Variants in RHOBTB1 observed in about 807,000 individuals in gnomAD.
RHOBTB1 encodes Rho related BTB domain containing 1.
In RHOBTB1, 40 loss-of-function variants were observed where a neutral mutation model predicts 71.6. That is an observed-to-expected ratio of 0.56 (90% CI 0.43 to 0.73). The LOEUF (loss-of-function observed/expected upper bound fraction) is 0.73. Ranked by LOEUF, RHOBTB1 falls within the 30% of genes least tolerant of loss-of-function variation. RHOBTB1 has a pLI of 0.00. For missense variants in RHOBTB1, 797 were observed against 894.0 expected, an observed-to-expected ratio of 0.89 and a Z score of 1.38; for synonymous variants, 319 against 334.9, an observed-to-expected ratio of 0.95 and a Z score of 0.52.
At chr10:60,964,298 G>GT (rs2085883930) in intron 2 of RHOBTB1, among the ~76,000 whole-genome samples, 1 of 152,060 alleles carries the variant, frequency 6.6e-6, no homozygotes, top group African/African-American at 2.4e-5. Flanking sequence ...GCGCCAGAGA[G>GT]GATACAACTG....
intron 2 of RHOBTB1, among the ~76,000 whole-genome samples, chr10:60,985,517 A>G (rs2086633423): frequency 6.6e-6 from 1 of 152,180 alleles, no homozygotes; most frequent in Non-Finnish European, 1.5e-5. Context: ...CCACATGTCA[A>G]TTTCCTGTAC....
chr10:60,959,677 T>C (rs902922838), intron 2 of RHOBTB1, among the ~76,000 whole-genome samples: 8 of 152,210 alleles, frequency 5.3e-5, no homozygotes, highest in African/African-American at 1.7e-4. Context: ...GTTTTGTCTC[T>C]GCCACTTTCC....
intron 7 of RHOBTB1, among the ~76,000 whole-genome samples, chr10:60,879,215 G>A (rs566225836): frequency 2.6e-5 from 4 of 152,278 alleles, no homozygotes; most frequent in South Asian, 2.1e-4. Context: ...ATTTCTCTGC[G>A]GTGCTGGAAA....
chr10:60,872,304 A>G lies in RHOBTB1; in HGVS notation c.1816-14T>C, dbSNP rs368088716. 2.5e-6 allele frequency: 4 copies of G among 1,591,340 alleles called. No individual in the cohort carries two copies. Among genetic ancestry groups the G allele is most frequent in the Non-Finnish European group, 3.5e-6 (4 of 1,159,230 alleles). ...GGCATTGTGAAACTGCAGAAAAGTG[A>G]GCAAAAGGAGGGTAAGACTATTTTC... is the stretch of plus-strand genomic sequence containing the variant. On this transcript the variant is annotated splice_polypyrimidine_tract_variant and intron_variant, in intron 9 of 10. Coordinates refer to ENST00000337910, the MANE Select transcript of RHOBTB1 (RefSeq NM_014836.5).
intron 2 of RHOBTB1, 50 bp from the exon 3 acceptor site, chr10:60,911,602 G>A: frequency 1.4e-6 from 2 of 1,475,376 alleles, no homozygotes; most frequent in East Asian, 2.3e-5. Context: ...GCTTTCCAGA[G>A]CAATCAAAGA....
chr10:60,929,900 AAGAC>A (rs1212931642), intron 2 of RHOBTB1, among the ~76,000 whole-genome samples: 3 of 152,204 alleles, frequency 2.0e-5, no homozygotes, highest in Non-Finnish European at 4.4e-5. Flanking sequence ...AACCTACAAA[AAGAC>A]AGCTTTCTTT....
In RHOBTB1 at chr10:60,911,922, G is replaced by A. The variant is rs2133410104; in HGVS notation, c.-10-370C>T. On this transcript the variant is annotated intron_variant, in intron 2 of 10. Coordinates refer to ENST00000337910, the MANE Select transcript of RHOBTB1 (RefSeq NM_014836.5). ...TCACGTTGGCCTGCTAGCAAGTCCG[G>A]TCACCTGTAGGGCTGAACTTCAACA... is the stretch of plus-strand genomic sequence containing the variant. Among the ~76,000 whole-genome samples, 3 of 152,252 alleles carry A rather than the reference G, an allele frequency of 2.0e-5. No individual in the cohort carries two copies. The South Asian group carries it at 6.2e-4, about 32-fold the overall frequency.
intron 2 of RHOBTB1, among the ~76,000 whole-genome samples, chr10:60,965,146 AACTT>A (rs1271971918): frequency 6.6e-6 from 1 of 152,072 alleles, no homozygotes; most frequent in Non-Finnish European, 1.5e-5. Flanking sequence ...TATACAAAGA[AACTT>A]ACCATTCAGT....
At chr10:60,891,768 T>G (rs2081931366) in intron 5 of RHOBTB1, among the ~76,000 whole-genome samples, 1 of 152,146 alleles carries the variant, frequency 6.6e-6, no homozygotes, top group East Asian at 1.9e-4. Context: ...AACTGACATT[T>G]TAAAAGAAAC....
At chr10:60,958,455 T>C (rs1232188183) in intron 2 of RHOBTB1, among the ~76,000 whole-genome samples, 1 of 152,146 alleles carries the variant, frequency 6.6e-6, no homozygotes, top group Non-Finnish European at 1.5e-5. Context: ...TAGGAATAAA[T>C]GGATCTATAG....
chr10:60,964,756 C>T (rs1021938826), intron 2 of RHOBTB1, among the ~76,000 whole-genome samples: 3 of 151,896 alleles, frequency 2.0e-5, no homozygotes, highest in African/African-American at 4.8e-5. Context: ...GAAAAATATG[C>T]GAAAATTTCC....
At chr10:60,881,418 A>T (rs2081323958) in intron 7 of RHOBTB1, among the ~76,000 whole-genome samples, 1 of 152,198 alleles carries the variant, frequency 6.6e-6, no homozygotes, top group African/African-American at 2.4e-5. Flanking sequence ...GTGCTCTAAG[A>T]TGTTAGTAAT....
intron 9 of RHOBTB1, among the ~76,000 whole-genome samples, chr10:60,873,276 T>C (rs1464268414): frequency 1.3e-5 from 2 of 152,234 alleles, no homozygotes; most frequent in Admixed American, 6.5e-5. Flanking sequence ...GTGCATTTCT[T>C]CCCTACTTTG....
intron 2 of RHOBTB1, among the ~76,000 whole-genome samples, 175 bp downstream of exon 2, chr10:60,941,629 A>C (rs1458295177): frequency 1.3e-5 from 2 of 152,198 alleles, no homozygotes. Flanking sequence ...TCCCAGAGTA[A>C]GCAATAATTT....
chr10:60,865,777 C>A (rs115611674), downstream of RHOBTB1, among the ~76,000 whole-genome samples: 264 of 152,240 alleles, frequency 1.7e-3, no homozygotes, highest in African/African-American at 6.1e-3. Flanking sequence ...CCTTCCCACA[C>A]ATGCCTATCA....
intron 2 of RHOBTB1, among the ~76,000 whole-genome samples, chr10:60,976,277 T>C (rs1470854925): frequency 1.3e-5 from 2 of 151,824 alleles, no homozygotes; most frequent in Non-Finnish European, 2.9e-5. Context: ...ATTTAATTTG[T>C]ACTCGAATAT....
chr10:60,970,533 C>T (rs982794954), intron 2 of RHOBTB1, among the ~76,000 whole-genome samples: 2 of 152,048 alleles, frequency 1.3e-5, no homozygotes, highest in Non-Finnish European at 2.9e-5. Context: ...AAGTTCAATG[C>T]TTCACATTTA....
chr10:60,947,238 A>G (rs2085268296), upstream of RHOBTB1, among the ~76,000 whole-genome samples: 1 of 152,226 alleles, frequency 6.6e-6, no homozygotes, highest in Admixed American at 6.5e-5. Context: ...GCTTGCTGAT[A>G]GAATCAGTAC....
At chr10:60,927,907 G>A (rs1040819956) in intron 2 of RHOBTB1, among the ~76,000 whole-genome samples, 3 of 152,072 alleles carry the variant, frequency 2.0e-5, no homozygotes, top group Non-Finnish European at 4.4e-5. Context: ...CACGGAATGG[G>A]AGAAAATATT....
Sources: allele counts gnomAD v4.1 joint callset (sites outside exome capture counted in the v4.1 genomes callset), GRCh38; gene constraint gnomAD v4.1.1; transcripts MANE v1.5; gene names NCBI Gene and HGNC (gene_info 2026-07-23, HGNC 2026-07-21).